The following ACO2 variants were observed in gnomAD, a reference collection of about 807,000 sequenced individuals.
ACO2 encodes the protein aconitate hydratase, mitochondrial.
A neutral mutation model predicts 84.5 loss-of-function variants in ACO2; 31 were observed. That is an observed-to-expected ratio of 0.37 (90% CI 0.28 to 0.50). The LOEUF is 0.50. Among genes scored for constraint, ACO2 ranks in the 20% least tolerant of loss-of-function variants. ACO2 has a pLI of 0.97. For missense variants in ACO2, 685 were observed against 1,029.3 expected (o/e 0.67, Z 4.58); for synonymous variants, 414 against 412.7 (o/e 1.00, Z -0.04).
intron 7 of ACO2, 85 bp downstream of exon 7, chr22:41,517,716 G>A (rs2066486866): frequency 3.2e-6 from 4 of 1,263,364 alleles, no homozygotes; most frequent in East Asian, 2.4e-5. Context: ...TTCCCTGTAG[G>A]GCAGGGGTTC....
chr22:41,514,986 A>C (rs956453802), intron 4 of ACO2, among the ~76,000 whole-genome samples: 1 of 152,212 alleles, frequency 6.6e-6, no homozygotes, highest in Admixed American at 6.5e-5. Flanking sequence ...ATGAGAAGCC[A>C]GGTGGGGATG....
At chr22:41,478,764 CTTTTTTTTT>C (rs761466511) in intron 1 of ACO2, among the ~76,000 whole-genome samples, 10 of 125,894 alleles carry the variant, frequency 7.9e-5, no homozygotes, top group Admixed American at 2.4e-4. Context: ...CACATATCTT[CTTTTTTTTT>C]TTTTTTTTTT....
rs888641085 is a variant in ACO2, at chr22:41,500,012, G to C, written c.173+150G>C. On this transcript the variant is annotated intron_variant, in intron 2 of 17. Coordinates refer to ENST00000216254, the MANE Select transcript of ACO2 (RefSeq NM_001098.3). ...GTACAAAGGTTTCTGCTGAGGAAAG[G>C]CATTCCAGATCAGTGGTGTAACTTC... The C allele has an allele frequency of 7.0e-6, 7 of 996,480 alleles. No homozygotes were observed. In the East Asian group the frequency reaches 7.3e-5, roughly 10 times the overall value. The allele number at this position is 996,480 out of a possible 1,614,324, so 61.7% of individuals were successfully genotyped here.
At position 41,523,872 on chromosome 22, in the gene ACO2, C is replaced by T; in HGVS notation, c.1413C>T (p.Ser471=). Residue 471 remains serine (S), a synonymous_variant, in exon 12 of 18, where the codon TCC becomes TCT. Coordinates refer to ENST00000216254, the MANE Select transcript of ACO2 (RefSeq NM_001098.3). Reference sequence around the variant, plus strand: ...GGGAGAAGAACACAATCGTCACCTCCTACAACAGGAACTTCACGGGCCGCA... The same window carrying T: ...GGGAGAAGAACACAATCGTCACCTCTTACAACAGGAACTTCACGGGCCGCA... ...KKGEKNTIVT[S]YNRNFTGRND... 1 of 1,612,346 alleles carries T rather than the reference C, an allele frequency of 6.2e-7. No individual in the cohort carries two copies. Among genetic ancestry groups the T allele is most frequent in the Non-Finnish European group, 8.5e-7 (1 of 1,179,968 alleles).
chr22:41,506,694 G>A (rs1340070529), intron 2 of ACO2, among the ~76,000 whole-genome samples: 1 of 152,104 alleles, frequency 6.6e-6, no homozygotes, highest in Non-Finnish European at 1.5e-5. Context: ...CCAGGTCAGG[G>A]TTAAACTCAG....
chr22:41,499,591 G>C, intron 1 of ACO2, 135 bp from the exon 2 acceptor site: 1 of 951,800 alleles, frequency 1.1e-6, no homozygotes, highest in Non-Finnish European at 1.6e-6. Flanking sequence ...CTGCAGATGA[G>C]GAAGCTGAGG....
intron 3 of ACO2, among the ~76,000 whole-genome samples, chr22:41,510,263 C>T (rs961488069): frequency 6.6e-6 from 1 of 152,192 alleles, no homozygotes; most frequent in Non-Finnish European, 1.5e-5. Context: ...ACTCTGGCAC[C>T]AGTCTGGGGT....
Position 41,522,885 on chromosome 22 carries a change from T to C in ACO2, c.1194T>C (p.Ala398=). Residue 398 remains alanine, a synonymous_variant, in exon 10 of 18, where the codon GCT becomes GCC. Transcript: ENST00000216254. ...SSYEDMGRSA[A]VAKQALAHGL... is the part of the protein sequence containing the mutation. ...ATGAAGATATGGGGCGCTCAGCAGC[T>C]GTGGCCAAGCAGGCACTGGCCCATG... The C allele has an allele frequency of 1.2e-6, 2 of 1,614,246 alleles. No homozygotes were observed. Among genetic ancestry groups the C allele is most frequent in the Non-Finnish European group, 1.7e-6 (2 of 1,180,044 alleles).
Position 41,518,533 on chromosome 22 carries a change from C to T in ACO2, c.993C>T (p.Gly331=). The T allele has an allele frequency of 6.2e-7, 1 of 1,613,888 alleles. No individual in the cohort carries two copies. Among genetic ancestry groups the T allele is most frequent in the Non-Finnish European group, 8.5e-7 (1 of 1,179,830 alleles). ...EFKDHLVPDP[G]CHYDQLIEIN... is the part of the protein sequence containing the mutation. Reference sequence around the variant, plus strand: ...AGGATCACTTGGTGCCTGACCCTGGCTGCCATTATGACCAACTAATTGAAA... The same window carrying T: ...AGGATCACTTGGTGCCTGACCCTGGTTGCCATTATGACCAACTAATTGAAA... The change falls in exon 8 of 18, where the codon GGC becomes GGT. Residue 331 remains glycine, a synonymous_variant. Coordinates refer to ENST00000216254, the MANE Select transcript of ACO2 (RefSeq NM_001098.3).
At chr22:41,499,585 A>G in intron 1 of ACO2, 141 bp from the exon 2 acceptor site, 1 of 889,882 alleles carries the variant, frequency 1.1e-6, no homozygotes, top group Non-Finnish European at 1.7e-6. Context: ...CCTGTCCTGC[A>G]GATGAGGAAG....
At chr22:41,504,598 G>A (rs1476004934) in intron 2 of ACO2, among the ~76,000 whole-genome samples, 1 of 152,076 alleles carries the variant, frequency 6.6e-6, no homozygotes, top group East Asian at 1.9e-4. Flanking sequence ...AGCCTTGGCG[G>A]TGCTGCCGCA....
At chr22:41,469,258 G>A in intron 1 of ACO2, 76 bp downstream of exon 1, 1 of 1,535,674 alleles carries the variant, frequency 6.5e-7, no homozygotes, top group Non-Finnish European at 8.8e-7. Flanking sequence ...GGGCGAGGCA[G>A]GGCGAGGCGG....
At chr22:41,507,629 A>G (rs1433651265) in intron 2 of ACO2, among the ~76,000 whole-genome samples, 162 bp from the exon 3 acceptor site, 1 of 152,160 alleles carries the variant, frequency 6.6e-6, no homozygotes, top group Non-Finnish European at 1.5e-5. Context: ...TGCAGTGAAC[A>G]GGACCCAGCA....
chr22:41,469,283 C>T, intron 1 of ACO2, 101 bp downstream of exon 1: 3 of 1,413,214 alleles, frequency 2.1e-6, no homozygotes, highest in Admixed American at 4.3e-5. Flanking sequence ...AACCTGGGGC[C>T]AACTTCTCGT....
chr22:41,528,385 G>C, intron 17 of ACO2, 94 bp from the exon 18 acceptor site: 1 of 1,531,724 alleles, frequency 6.5e-7, no homozygotes, highest in Non-Finnish European at 8.8e-7. Context: ...GACCTCTTAG[G>C]TCCCCAGGCA....
intron 2 of ACO2, among the ~76,000 whole-genome samples, chr22:41,506,402 G>A (rs1340282425): frequency 4.6e-5 from 7 of 152,014 alleles, no homozygotes; most frequent in Admixed American, 2.0e-4. Context: ...ACAGGCGCCC[G>A]CCACCACGCC....
chr22:41,502,319 C>A (rs967524172), intron 2 of ACO2, among the ~76,000 whole-genome samples: 1 of 152,124 alleles, frequency 6.6e-6, no homozygotes, highest in African/African-American at 2.4e-5. Context: ...CATCTTAGAC[C>A]CCACTCCAGA....
At chr22:41,492,252 A>G (rs905453217) in intron 1 of ACO2, among the ~76,000 whole-genome samples, 2 of 152,246 alleles carry the variant, frequency 1.3e-5, no homozygotes, top group Non-Finnish European at 2.9e-5. Context: ...TATTTAACAT[A>G]TGAGAGATAT....
intron 1 of ACO2, among the ~76,000 whole-genome samples, chr22:41,485,988 G>A (rs777891886): frequency 1.3e-5 from 2 of 152,118 alleles, no homozygotes; most frequent in Non-Finnish European, 2.9e-5. Context: ...CTCTTCACCT[G>A]CCCTGCAAAT....
Sources: allele counts gnomAD v4.1 joint callset (sites outside exome capture counted in the v4.1 genomes callset), GRCh38; gene constraint gnomAD v4.1.1; transcripts MANE v1.5; gene names NCBI Gene and HGNC (gene_info 2026-07-23, HGNC 2026-07-21).